The following DNAI3 variants were observed in gnomAD, a reference collection of about 807,000 sequenced individuals.
DNAI3 encodes dynein axonemal intermediate chain 3, also known as WD repeat domain 63.
A neutral mutation model predicts 115.5 loss-of-function variants in DNAI3; 83 were observed. The ratio of observed to expected loss-of-function variants is 0.72; its 90% CI spans 0.60 to 0.86. The LOEUF (loss-of-function observed/expected upper bound fraction) is 0.86, where lower values mean the gene tolerates loss of function less well. Ranked by LOEUF, DNAI3 falls within the 40% of genes least tolerant of loss-of-function variation. The pLI, the probability that DNAI3 is intolerant of heterozygous loss-of-function variation, is 0.00. For synonymous variants in DNAI3, 320 were observed against 347.0 expected (o/e 0.92, Z 0.86); for missense variants, 1,004 against 1,075.8 (o/e 0.93, Z 0.93).
At chr1:85,088,768 T>A (rs946430741) in intron 7 of DNAI3, among the ~76,000 whole-genome samples, 27 of 152,304 alleles carry the variant, frequency 1.8e-4, no homozygotes, top group African/African-American at 6.5e-4. Flanking sequence ...ACAAATCATA[T>A]TTCGAAAGTA....
intron 1 of DNAI3, among the ~76,000 whole-genome samples, chr1:85,066,779 G>A (rs184716048): frequency 2.2e-3 from 327 of 152,056 alleles, no homozygotes; most frequent in Middle Eastern, 0.01. Flanking sequence ...AAAAAAGTTT[G>A]TTAAATATAA....
At chr1:85,109,005 G>C (rs923896957) in intron 15 of DNAI3, among the ~76,000 whole-genome samples, 1 of 152,106 alleles carries the variant, frequency 6.6e-6, no homozygotes, top group Non-Finnish European at 1.5e-5. Context: ...TCAAAATTTT[G>C]CCTATCAATA....
At chr1:85,097,500 T>C (rs1437873261) in intron 11 of DNAI3, 69 bp from the exon 12 acceptor site, 1 of 1,442,462 alleles carries the variant, frequency 6.9e-7, no homozygotes, top group Non-Finnish European at 9.3e-7. Flanking sequence ...AAACCAATAG[T>C]TAAAAGAAAA....
chr1:85,093,572 G>A lies in DNAI3; in HGVS notation c.972G>A (p.Glu324=), dbSNP rs761885107. ...FGDKTDTHLK[E]YQSFTDLHSP... ...ACAAGACCGATACCCACCTGAAAGAGTACCAGTCCTTTACCGACCTTCATA... is the reference window on the plus strand; with the variant it reads ...ACAAGACCGATACCCACCTGAAAGAATACCAGTCCTTTACCGACCTTCATA... The change falls in exon 9 of 23, where the codon GAG becomes GAA. Residue 324 remains glutamate (E), a synonymous_variant. Transcript: ENST00000294664. The A allele has an allele frequency of 1.2e-6, 2 of 1,614,074 alleles. No homozygotes were observed. The highest frequency in any genetic ancestry group is 1.3e-5 in the African/African-American group (1 of 74,926).
chr1:85,076,977 G>A (rs530198584), intron 3 of DNAI3, among the ~76,000 whole-genome samples: 1 of 152,116 alleles, frequency 6.6e-6, no homozygotes, highest in Admixed American at 6.5e-5. Context: ...CATCTGAAAA[G>A]CAAGATAGAC....
intron 1 of DNAI3, among the ~76,000 whole-genome samples, chr1:85,067,844 C>G (rs180726096): frequency 2.0e-4 from 31 of 152,304 alleles, no homozygotes; most frequent in African/African-American, 7.0e-4. Flanking sequence ...AGCAGATTCT[C>G]TCTTAGAGGC....
intron 14 of DNAI3, among the ~76,000 whole-genome samples, chr1:85,107,794 C>A (rs558621790): frequency 6.6e-6 from 1 of 152,226 alleles, no homozygotes; most frequent in South Asian, 2.1e-4. Flanking sequence ...TAAAAGATTG[C>A]ATCAAACTCA....
intron 3 of DNAI3, among the ~76,000 whole-genome samples, chr1:85,075,614 G>C (rs1213239738): frequency 1.3e-5 from 2 of 152,066 alleles, no homozygotes; most frequent in African/African-American, 2.4e-5. Flanking sequence ...CCAAGAAACT[G>C]AGATCCCTTT....
chr1:85,099,187 C>T (rs1655212300), intron 13 of DNAI3: 3 of 930,248 alleles, frequency 3.2e-6, no homozygotes, highest in Non-Finnish European at 3.8e-6. Context: ...TATAACCTCA[C>T]AAAGCATGGG....
chr1:85,123,135 T>C (rs538030938), intron 18 of DNAI3, among the ~76,000 whole-genome samples: 1 of 152,348 alleles, frequency 6.6e-6, no homozygotes, highest in East Asian at 1.9e-4. Flanking sequence ...TCCTGTCAAT[T>C]CTAGCTCACA....
In DNAI3 at chr1:85,090,165, G is replaced by C. The variant is rs747755911; in HGVS notation, c.790G>C (p.Glu264Gln). 1 of 1,592,200 alleles carries C rather than the reference G, an allele frequency of 6.3e-7. No individual in the cohort carries two copies. Among genetic ancestry groups the C allele is most frequent in the Non-Finnish European group, 8.5e-7 (1 of 1,171,182 alleles). The change falls in exon 8 of 23, where the codon GAA becomes CAA. Residue 264 changes from glutamate to glutamine, a missense_variant. Coordinates refer to ENST00000294664, the MANE Select transcript of DNAI3 (RefSeq NM_145172.5). ...GCAATATTATCCAAGAGAATTCTCA[G>C]AAGAGGAAAAAGAGACACTCAAACA... ...TTQYYPREFS[E>Q]EEKETLKQSK...
intron 17 of DNAI3, among the ~76,000 whole-genome samples, chr1:85,121,065 C>A (rs1450022576): frequency 6.6e-6 from 1 of 152,116 alleles, no homozygotes; most frequent in African/African-American, 2.4e-5. Context: ...GTCATTTAAC[C>A]TCTCTCAGTT....
chr1:85,130,265 C>T (rs974797342), intron 22 of DNAI3, 153 bp downstream of exon 22: 1 of 1,108,550 alleles, frequency 9.0e-7, no homozygotes, highest in African/African-American at 1.6e-5. Context: ...CTTTGATTTC[C>T]TAGCTCACTG....
At chr1:85,092,354 C>T (rs1037797475) in intron 8 of DNAI3, among the ~76,000 whole-genome samples, 1 of 152,126 alleles carries the variant, frequency 6.6e-6, no homozygotes, top group Non-Finnish European at 1.5e-5. Flanking sequence ...TTAGGAGTAT[C>T]TGTTTTTACT....
chr1:85,095,227 G>C (rs1655089843), intron 10 of DNAI3, among the ~76,000 whole-genome samples: 2 of 152,126 alleles, frequency 1.3e-5, no homozygotes, highest in South Asian at 4.2e-4. Context: ...TAGTGGGTGG[G>C]TGGTGTATAG....
chr1:85,112,294 G>A (rs1244701276), intron 16 of DNAI3, among the ~76,000 whole-genome samples: 1 of 151,986 alleles, frequency 6.6e-6, no homozygotes, highest in East Asian at 1.9e-4. Context: ...ATTACAGAGT[G>A]GCATTTCATT....
At chr1:85,111,512 C>G (rs191314840) in intron 16 of DNAI3, among the ~76,000 whole-genome samples, 1 of 152,094 alleles carries the variant, frequency 6.6e-6, no homozygotes, top group Admixed American at 6.5e-5. Context: ...GTGCTAGGCC[C>G]CAGGGGTACG....
chr1:85,124,067 C>A (rs1370334255), intron 18 of DNAI3, 54 bp from the exon 19 acceptor site: 3 of 1,606,978 alleles, frequency 1.9e-6, no homozygotes, highest in African/African-American at 2.7e-5. Flanking sequence ...TTCCTCACTG[C>A]AGGAATGCAA....
Position 85,098,661 on chromosome 1 carries a change from G to A in DNAI3, c.1479+3G>A. The A allele has an allele frequency of 1.2e-6, 2 of 1,611,696 alleles. No homozygotes were observed. Among genetic ancestry groups the A allele is most frequent in the South Asian group, 1.1e-5 (1 of 90,240 alleles). Reference sequence around the variant, plus strand: ...ACTGGTTGTCTGACACATTTGAGGTGAGACTTGATGGCCTTATACTTTTCT... The same window carrying A: ...ACTGGTTGTCTGACACATTTGAGGTAAGACTTGATGGCCTTATACTTTTCT... On this transcript the variant is annotated splice_donor_region_variant and intron_variant, in intron 13 of 22. Transcript: ENST00000294664.
Sources: allele counts gnomAD v4.1 joint callset (sites outside exome capture counted in the v4.1 genomes callset), GRCh38; gene constraint gnomAD v4.1.1; transcripts MANE v1.5; gene names NCBI Gene and HGNC (gene_info 2026-07-23, HGNC 2026-07-21).